CEP83: variants seen among roughly 807,000 people sequenced by gnomAD.
CEP83 encodes the protein centrosomal protein 83, also known as centrosomal protein of 83 kDa.
Under a neutral mutation model 101.9 loss-of-function variants are expected in CEP83, and 70 were observed. The observed-to-expected ratio is 0.69, with a 90% CI of 0.57 to 0.84. The LOEUF (loss-of-function observed/expected upper bound fraction) is 0.84. Ranked by LOEUF, CEP83 falls within the 40% of genes least tolerant of loss-of-function variation. The probability of loss-of-function intolerance (pLI) is 0.00; values close to 1 mark genes in which losing one functional copy is unlikely to be tolerated. For synonymous variants in CEP83, 264 were observed against 267.9 expected, an observed-to-expected ratio of 0.99 and a Z score of 0.14; for missense variants, 715 against 787.2, an observed-to-expected ratio of 0.91 and a Z score of 1.10.
intron 14 of CEP83, among the ~76,000 whole-genome samples, chr12:94,322,317 G>A (rs966159454): frequency 1.1e-4 from 16 of 152,206 alleles, no homozygotes; most frequent in African/African-American, 3.9e-4. Flanking sequence ...GTTCCAGGGA[G>A]GTTTGAAACT....
Position 94,308,929 on chromosome 12 carries a change from G to C in CEP83, c.2002-12C>G. ...TGATGTTGTTCCTCCTTAAAATGAT[G>C]TAGAGAAAGCATAGCAAAAGAAACT... On this transcript the variant is annotated splice_polypyrimidine_tract_variant and intron_variant, in intron 16 of 16. Coordinates refer to ENST00000397809, the MANE Select transcript of CEP83 (RefSeq NM_016122.3). 1 of 1,572,852 alleles carries C rather than the reference G, an allele frequency of 6.4e-7. No individual in the cohort carries two copies. The highest frequency in any genetic ancestry group is 8.7e-7 in the Non-Finnish European group (1 of 1,143,244).
At chr12:94,292,467 AG>A in the CEP83 span, among the ~76,000 whole-genome samples, 2 of 152,354 alleles carry the variant, frequency 1.3e-5, no homozygotes, top group East Asian at 3.9e-4. Flanking sequence ...TACATTTCAA[AG>A]CTTTTATTAA....
At chr12:94,275,624 C>A in the CEP83 span, among the ~76,000 whole-genome samples, 1 of 86,316 alleles carries the variant, frequency 1.2e-5, no homozygotes, top group Non-Finnish European at 2.3e-5. Flanking sequence ...GAGGCCGAGG[C>A]GGGCGGATCA....
chr12:94,350,012 G>C (rs1230648298), intron 11 of CEP83, among the ~76,000 whole-genome samples: 1 of 152,038 alleles, frequency 6.6e-6, no homozygotes, highest in Non-Finnish European at 1.5e-5. Flanking sequence ...TAAATAAATG[G>C]AAACACATCC....
chr12:94,447,701 T>C (rs2066912403), intron 1 of CEP83, among the ~76,000 whole-genome samples: 1 of 152,078 alleles, frequency 6.6e-6, no homozygotes, highest in Middle Eastern at 3.4e-3. Context: ...ATAATAATAA[T>C]AGCACCAAAA....
At chr12:94,437,850 C>G (rs2066108890) in intron 1 of CEP83, among the ~76,000 whole-genome samples, 1 of 152,126 alleles carries the variant, frequency 6.6e-6, no homozygotes, top group Non-Finnish European at 1.5e-5. Context: ...TAGGCAGCAA[C>G]TAGTATGATG....
chr12:94,370,411 T>A (rs1011416812), intron 8 of CEP83, among the ~76,000 whole-genome samples: 7 of 152,246 alleles, frequency 4.6e-5, no homozygotes, highest in African/African-American at 1.7e-4. Context: ...TCTTGCTATG[T>A]CATCCAGGCT....
chr12:94,279,520 GTCTGT>G, the CEP83 span: 1 of 1,614,204 alleles, frequency 6.2e-7, no homozygotes, highest in Non-Finnish European at 8.5e-7. Flanking sequence ...GAGTGCAGAT[GTCTGT>G]CGGAATATTT....
At chr12:94,297,629 T>G in the CEP83 span, among the ~76,000 whole-genome samples, 140 of 152,350 alleles carry the variant, frequency 9.2e-4, 1 homozygote, top group East Asian at 5.0e-3. Context: ...AGATTTGTAC[T>G]GTAGTATCTT....
intron 2 of CEP83, among the ~76,000 whole-genome samples, chr12:94,419,855 G>A (rs1451873415): frequency 1.3e-5 from 2 of 152,052 alleles, no homozygotes; most frequent in East Asian, 3.9e-4. Context: ...TAGTTGGACT[G>A]AAGATCTAAA....
At chr12:94,397,323 A>AC (rs1381045861) in intron 6 of CEP83, among the ~76,000 whole-genome samples, 1 of 152,050 alleles carries the variant, frequency 6.6e-6, no homozygotes, top group African/African-American at 2.4e-5. Flanking sequence ...ACATGGTGAA[A>AC]CCCCATCTCT....
At chr12:94,321,722 G>A (rs1214112682) in intron 14 of CEP83, among the ~76,000 whole-genome samples, 1 of 152,040 alleles carries the variant, frequency 6.6e-6, no homozygotes, top group Non-Finnish European at 1.5e-5. Flanking sequence ...GAGACAGTAA[G>A]AGTGAGGGCT....
At chr12:94,321,152 T>A (rs989161001) in intron 14 of CEP83, among the ~76,000 whole-genome samples, 1 of 152,238 alleles carries the variant, frequency 6.6e-6, no homozygotes, top group Non-Finnish European at 1.5e-5. Context: ...TTCAGCTTGG[T>A]CTCTCTCTTC....
intron 1 of CEP83, among the ~76,000 whole-genome samples, chr12:94,439,498 T>G (rs558564252): frequency 6.7e-6 from 1 of 148,242 alleles, no homozygotes; most frequent in East Asian, 2.0e-4. Context: ...AGAAACAAAC[T>G]GAACAGGTCA....
the CEP83 span, among the ~76,000 whole-genome samples, chr12:94,269,071 A>G: frequency 5.3e-5 from 8 of 152,180 alleles, no homozygotes; most frequent in African/African-American, 1.9e-4. Context: ...CATTTGCTTC[A>G]CTTTCAGGAA....
In CEP83 at chr12:94,412,693, CT is replaced by C. The variant is rs11330562; in HGVS notation, c.-101-103del. 56,289 of 211,970 alleles carry C rather than the reference CT, an allele frequency of 0.27. 1,883 individuals carry two copies. The highest frequency in any genetic ancestry group is 0.27 in the Non-Finnish European group (32,935 of 121,214). 13.1% of individuals were successfully genotyped at this position (211,970 alleles called of 1,614,324 possible). On this transcript the variant is annotated intron_variant, in intron 2 of 16. Transcript: ENST00000397809. ...TCACTTTTATTATTCTTTTTTTTTT[CT>C]TTTTTTTTTTTTTTTGAGAGGAGTC...
At chr12:94,429,026 G>A (rs559321903) in intron 2 of CEP83, among the ~76,000 whole-genome samples, 10 of 152,336 alleles carry the variant, frequency 6.6e-5, no homozygotes, top group African/African-American at 2.4e-4. Flanking sequence ...GAATAAGGAT[G>A]AGAGAAAATG....
chr12:94,433,532 T>C (rs2065791002), intron 2 of CEP83, among the ~76,000 whole-genome samples: 1 of 151,696 alleles, frequency 6.6e-6, no homozygotes, highest in African/African-American at 2.4e-5. Context: ...AATACAAAAA[T>C]TAGCCCGGTG....
intron 11 of CEP83, among the ~76,000 whole-genome samples, chr12:94,351,117 C>T (rs1374650164): frequency 6.6e-6 from 1 of 152,096 alleles, no homozygotes; most frequent in Non-Finnish European, 1.5e-5. Context: ...CTTGAGATGG[C>T]AGCATAGAGA....
Sources: gnomAD v4.1 joint callset for allele counts (sites outside exome capture counted in the v4.1 genomes callset) on GRCh38, gnomAD v4.1.1 for gene constraint, MANE v1.5 for transcripts, NCBI Gene and HGNC (gene_info 2026-07-23, HGNC 2026-07-21) for gene names.